Variants in PTPRM observed in about 807,000 individuals in gnomAD.
The protein encoded by PTPRM is protein tyrosine phosphatase receptor type M, also known as receptor-type tyrosine-protein phosphatase mu.
In PTPRM, 47 loss-of-function variants were observed where a neutral mutation model predicts 186.7. The observed-to-expected ratio is 0.25, with a 90% CI of 0.20 to 0.32. PTPRM has a LOEUF of 0.32. PTPRM is among the 10% of genes least tolerant of loss of function. The pLI is 1.00. For synonymous variants in PTPRM, 668 were observed against 674.9 expected, an observed-to-expected ratio of 0.99 and a Z score of 0.16; for missense variants, 1,494 against 1,865.0, an observed-to-expected ratio of 0.80 and a Z score of 3.66.
chr18:7,872,175 T>C (rs1431226811), intron 2 of PTPRM, among the ~76,000 whole-genome samples: 1 of 152,186 alleles, frequency 6.6e-6, no homozygotes, highest in Non-Finnish European at 1.5e-5. Flanking sequence ...ACTGGAATCA[T>C]GTAAGTGGTG....
intron 1 of PTPRM, among the ~76,000 whole-genome samples, chr18:7,576,177 CA>C (rs2036682515): frequency 6.6e-6 from 1 of 152,170 alleles, no homozygotes; most frequent in African/African-American, 2.4e-5. Context: ...CCAGCCAAAG[CA>C]GAAGCAAAGC....
At chr18:7,833,385 G>A (rs2045858248) in intron 2 of PTPRM, among the ~76,000 whole-genome samples, 1 of 152,150 alleles carries the variant, frequency 6.6e-6, no homozygotes, top group East Asian at 1.9e-4. Flanking sequence ...TATTGTAAAT[G>A]GGGTTACTTT....
chr18:8,268,187 A>G (rs2094725719), intron 19 of PTPRM, among the ~76,000 whole-genome samples: 1 of 152,148 alleles, frequency 6.6e-6, no homozygotes, highest in Non-Finnish European at 1.5e-5. Context: ...TCTTCTTGGC[A>G]GTATTGGCTG....
chr18:7,702,984 T>C (rs1293908448), intron 1 of PTPRM, among the ~76,000 whole-genome samples: 1 of 152,204 alleles, frequency 6.6e-6, no homozygotes, highest in Non-Finnish European at 1.5e-5. Context: ...GACTGGGTTG[T>C]TGTAGTTGTG....
chr18:7,761,489 A>G (rs1176801562), intron 1 of PTPRM, among the ~76,000 whole-genome samples: 1 of 152,160 alleles, frequency 6.6e-6, no homozygotes, highest in Non-Finnish European at 1.5e-5. Context: ...GGTCTGCCAG[A>G]TAACAGCCTT....
chr18:8,363,532 A>G (rs1245317244), intron 23 of PTPRM, among the ~76,000 whole-genome samples: 8 of 152,250 alleles, frequency 5.3e-5, no homozygotes, highest in Non-Finnish European at 1.5e-5. Flanking sequence ...GTCATTGCTC[A>G]AAAGATTTCT....
chr18:7,848,575 C>A (rs1341455776), intron 2 of PTPRM, among the ~76,000 whole-genome samples: 1 of 151,926 alleles, frequency 6.6e-6, no homozygotes, highest in African/African-American at 2.4e-5. Flanking sequence ...AATTTGAGAC[C>A]AGACTGTGCA....
chr18:8,263,550 C>T (rs926594201), intron 19 of PTPRM, among the ~76,000 whole-genome samples: 2 of 152,208 alleles, frequency 1.3e-5, no homozygotes, highest in Non-Finnish European at 2.9e-5. Context: ...ATAAGAGCAT[C>T]TTTTACTAAA....
At chr18:7,711,132 C>T (rs570022669) in intron 1 of PTPRM, among the ~76,000 whole-genome samples, 51 of 152,112 alleles carry the variant, frequency 3.4e-4, no homozygotes, top group African/African-American at 1.0e-3. Context: ...CTGAGGTACC[C>T]GGCTCATCTC....
chr18:7,882,119 T>C (rs573938090), intron 2 of PTPRM, among the ~76,000 whole-genome samples: 57 of 152,322 alleles, frequency 3.7e-4, no homozygotes, highest in Non-Finnish European at 6.8e-4. Context: ...ACTCATTGTT[T>C]CTGGTCCCTG....
intron 19 of PTPRM, among the ~76,000 whole-genome samples, chr18:8,258,778 G>T (rs2094598677): frequency 6.6e-6 from 1 of 152,048 alleles, no homozygotes; most frequent in Non-Finnish European, 1.5e-5. Context: ...TTAGCTAATA[G>T]TGTCACTCTG....
intron 2 of PTPRM, among the ~76,000 whole-genome samples, chr18:7,880,417 A>G (rs941001563): frequency 2.6e-5 from 4 of 152,254 alleles, no homozygotes; most frequent in Non-Finnish European, 5.9e-5. Context: ...GGGCAAACGG[A>G]AAGAAAATGT....
chr18:7,812,722 T>G (rs1047192368), intron 2 of PTPRM, among the ~76,000 whole-genome samples: 1 of 138,424 alleles, frequency 7.2e-6, no homozygotes, highest in Non-Finnish European at 1.5e-5. Context: ...ACTTGGAAAG[T>G]TTTTTTTTTT....
chr18:7,710,679 TAAAC>T (rs1231611848), intron 1 of PTPRM, among the ~76,000 whole-genome samples: 2 of 152,216 alleles, frequency 1.3e-5, no homozygotes, highest in South Asian at 4.1e-4. Flanking sequence ...CTTGATTTGA[TAAAC>T]AAATTCAGTA....
intron 9 of PTPRM, among the ~76,000 whole-genome samples, chr18:8,083,342 A>G (rs2090249354): frequency 6.6e-6 from 1 of 152,078 alleles, no homozygotes; most frequent in Non-Finnish European, 1.5e-5. Context: ...AAGGAACCAC[A>G]CCGACCTCCT....
intron 14 of PTPRM, among the ~76,000 whole-genome samples, chr18:8,220,527 C>T (rs2094142282): frequency 6.6e-6 from 1 of 152,152 alleles, no homozygotes; most frequent in South Asian, 2.1e-4. Flanking sequence ...TGAACCTGTC[C>T]CACTTAAAAC....
At chr18:7,741,686 A>G (rs1352111961) in intron 1 of PTPRM, 2 of 151,780 alleles carry the variant, frequency 1.3e-5, no homozygotes, top group African/African-American at 4.9e-5. Context: ...AATCTTAAGG[A>G]ATTTTCATCT....
chr18:7,855,470 CAAAG>C (rs1490706350), intron 2 of PTPRM, among the ~76,000 whole-genome samples: 6 of 152,192 alleles, frequency 3.9e-5, no homozygotes, highest in African/African-American at 4.8e-5. Flanking sequence ...GCCACCTACA[CAAAG>C]AAGGAAGAAG....
intron 1 of PTPRM, among the ~76,000 whole-genome samples, chr18:7,580,358 C>A (rs2036811704): frequency 6.6e-6 from 1 of 152,154 alleles, no homozygotes; most frequent in Non-Finnish European, 1.5e-5. Flanking sequence ...GGGCTGTCTG[C>A]AAGATTTTAG....
Sources: gnomAD v4.1 joint callset for allele counts (sites outside exome capture counted in the v4.1 genomes callset) on GRCh38, gnomAD v4.1.1 for gene constraint, MANE v1.5 for transcripts, NCBI Gene and HGNC (gene_info 2026-07-23, HGNC 2026-07-21) for gene names.